Variants in WASHC2A observed in about 807,000 individuals in gnomAD.
WASHC2A encodes WASH complex subunit FAM21A.
Under a neutral mutation model 140.3 loss-of-function variants are expected in WASHC2A, and 82 were observed. The ratio of observed to expected loss-of-function variants is 0.58; its 90% CI spans 0.49 to 0.70. The LOEUF (loss-of-function observed/expected upper bound fraction) is 0.70. Ranked by LOEUF, WASHC2A falls within the 30% of genes least tolerant of loss-of-function variation. The pLI, the probability that WASHC2A is intolerant of heterozygous loss-of-function variation, is 0.00. For synonymous variants in WASHC2A, 340 were observed against 560.8 expected, an observed-to-expected ratio of 0.61 and a Z score of 5.56; for missense variants, 985 against 1,521.8, an observed-to-expected ratio of 0.65 and a Z score of 5.87.
In WASHC2A at chr10:50,084,179, C is replaced by T. The variant is rs1839183851; in HGVS notation, c.622+14C>T. The T allele has an allele frequency of 6.2e-7, 1 of 1,610,918 alleles. No homozygotes were observed. Among genetic ancestry groups the T allele is most frequent in the Non-Finnish European group, 8.5e-7 (1 of 1,179,572 alleles). On this transcript the variant is annotated intron_variant, in intron 6 of 30. Transcript: ENST00000282633. ...TGTCCAGTGAAGGTACTTTTCTTCACCAAATAATTTTGTTCCTTAACATTT... is the reference window on the plus strand; with the variant it reads ...TGTCCAGTGAAGGTACTTTTCTTCATCAAATAATTTTGTTCCTTAACATTT...
Position 50,095,747 on chromosome 10 carries a change from C to A in WASHC2A, c.1389C>A (p.Phe463Leu). 1.2e-6 allele frequency: 2 copies of A among 1,610,928 alleles called. No homozygotes were observed. The highest frequency in any genetic ancestry group is 1.7e-6 in the Non-Finnish European group (2 of 1,179,386). The part of the protein sequence containing the change: ...DDDGDDDDDF[F>L]SAPHSKPSKT... ...ATGGTGATGATGATGACGACTTTTT[C>A]TCGGCACCCCACAGCAAACCTTCTA... The change falls in exon 15 of 31, where the codon TTC becomes TTA. Residue 463 changes from phenylalanine (F) to leucine (L), a missense_variant. Transcript: ENST00000282633.
chr10:50,067,983 G>A lies in WASHC2A; in HGVS notation c.-23G>A, dbSNP rs1157810743. The A allele has an allele frequency of 3.7e-6, 6 of 1,603,218 alleles. No homozygotes were observed. Among genetic ancestry groups the A allele is most frequent in the East Asian group, 2.2e-5 (1 of 44,562 alleles). On this transcript the variant is annotated 5_prime_UTR_variant, in exon 1 of 31. Coordinates refer to ENST00000282633, the MANE Select transcript of WASHC2A (RefSeq NM_001005751.3). ...CTCGGCGTGTGCTGGCAGCTTCGGAGCCCACCGAGCCGGGCGGCTAGGATG... is the reference window on the plus strand; with the variant it reads ...CTCGGCGTGTGCTGGCAGCTTCGGAACCCACCGAGCCGGGCGGCTAGGATG...
At chr10:50,077,226 G>A (rs1245112905) in intron 3 of WASHC2A, among the ~76,000 whole-genome samples, 2 of 151,848 alleles carry the variant, frequency 1.3e-5, no homozygotes, top group African/African-American at 4.8e-5. Flanking sequence ...CCTGGGAGGT[G>A]GAGGTTGCAG....
At chr10:50,125,649 A>G (rs1433404517) in intron 25 of WASHC2A, among the ~76,000 whole-genome samples, 200 bp downstream of exon 25, 2 of 152,204 alleles carry the variant, frequency 1.3e-5, no homozygotes, top group African/African-American at 4.8e-5. Flanking sequence ...TATGTTCCCT[A>G]TACTAACATT....
At chr10:50,074,098 CT>C (rs1838086275) in intron 3 of WASHC2A, among the ~76,000 whole-genome samples, 1 of 79,048 alleles carries the variant, frequency 1.3e-5, no homozygotes, top group Non-Finnish European at 2.6e-5. Flanking sequence ...GCCCTGGTCC[CT>C]TTTTCCCCAG....
At chr10:50,088,794 A>G (rs1839612869) in intron 8 of WASHC2A, among the ~76,000 whole-genome samples, 2 of 122,556 alleles carry the variant, frequency 1.6e-5, no homozygotes, top group East Asian at 4.4e-4. Flanking sequence ...ATGTTTAACT[A>G]TCAAATGAAG....
At position 50,129,471 on chromosome 10, in the gene WASHC2A, G is replaced by A; in HGVS notation, c.3140G>A (p.Arg1047Gln). 2.5e-6 allele frequency: 4 copies of A among 1,612,068 alleles called. No individual in the cohort carries two copies. The highest frequency in any genetic ancestry group is 3.4e-6 in the Non-Finnish European group (4 of 1,179,870). The stretch of plus-strand genomic sequence containing the variant: ...AGACCGCAGACCCGTGCAGCTAGGC[G>A]GCTGGCTGCTCAGGAGTCCAGCGAG... Reference protein sequence around the residue: ...KRRPQTRAARRLAAQESSETE... With the variant: ...KRRPQTRAARQLAAQESSETE... Residue 1047 changes from arginine to glutamine, a missense_variant, in exon 29 of 31, where the codon CGG (arginine) becomes CAG (glutamine). Physicochemically the swap from Arg to Gln is conservative, Grantham distance 43. Transcript: ENST00000282633.
At chr10:50,109,816 C>A (rs1312537897) in intron 19 of WASHC2A, among the ~76,000 whole-genome samples, 1 of 152,174 alleles carries the variant, frequency 6.6e-6, no homozygotes, top group East Asian at 1.9e-4. Context: ...GTCCCCCAGG[C>A]TGGAGTGCAG....
intron 4 of WASHC2A, among the ~76,000 whole-genome samples, chr10:50,080,417 T>C (rs1172603350): frequency 2.1e-5 from 3 of 143,122 alleles, no homozygotes; most frequent in African/African-American, 8.0e-5. Context: ...TCATGGTGAG[T>C]CTGAGAGTCT....
chr10:50,127,471 C>G, intron 27 of WASHC2A, 112 bp from the exon 28 acceptor site: 7 of 1,610,352 alleles, frequency 4.3e-6, no homozygotes, highest in African/African-American at 4.0e-5. Context: ...CTACGTTTCT[C>G]TACTCCTCTC....
intron 19 of WASHC2A, among the ~76,000 whole-genome samples, chr10:50,108,935 G>A (rs1300677084): frequency 1.3e-5 from 2 of 150,122 alleles, no homozygotes; most frequent in East Asian, 3.9e-4. Context: ...AGTGCTGACA[G>A]TGGATCCCAG....
rs1840426539 is a variant in WASHC2A at position 50,095,656 on chromosome 10, C to G, written c.1298C>G (p.Pro433Arg). ...CCATCAATGAAGGAGCCACAGAAGC[C>G]TGAGCAGCCCACTCCAAGGAAAAGC... Reference protein sequence around the residue: ...SVPSMKEPQKPEQPTPRKSPY... With the variant: ...SVPSMKEPQKREQPTPRKSPY... The change falls in exon 15 of 31, where the codon CCT becomes CGT. Residue 433 changes from proline (P) to arginine (R), a missense_variant. Coordinates refer to ENST00000282633, the MANE Select transcript of WASHC2A (RefSeq NM_001005751.3). 1 of 1,611,628 alleles carries G rather than the reference C, an allele frequency of 6.2e-7. No homozygotes were observed. Among genetic ancestry groups the G allele is most frequent in the Non-Finnish European group, 8.5e-7 (1 of 1,179,818 alleles).
At chr10:50,094,773 T>A (rs1410132168) in intron 13 of WASHC2A, among the ~76,000 whole-genome samples, 4 of 151,302 alleles carry the variant, frequency 2.6e-5, no homozygotes, top group Non-Finnish European at 5.9e-5. Flanking sequence ...CGGTTCTTTT[T>A]CACCCGTTCA....
At chr10:50,092,882 C>T (rs1482625508) in intron 11 of WASHC2A, among the ~76,000 whole-genome samples, 5 of 152,008 alleles carry the variant, frequency 3.3e-5, no homozygotes, top group African/African-American at 1.2e-4. Context: ...TTACATTAGA[C>T]TTGTCCCTGT....
At chr10:50,100,088 G>T (rs1208975875) in intron 17 of WASHC2A, 24 bp downstream of exon 17, 2 of 1,536,760 alleles carry the variant, frequency 1.3e-6, no homozygotes, top group Non-Finnish European at 1.8e-6. Context: ...TTGCTTAGTT[G>T]TGGGTATTAG....
At chr10:50,098,623 A>AT (rs1290716290) in intron 16 of WASHC2A, among the ~76,000 whole-genome samples, 8 of 84,904 alleles carry the variant, frequency 9.4e-5, no homozygotes, top group African/African-American at 1.4e-4. Flanking sequence ...TTATGTTTTG[A>AT]TTTTTTTTTT....
chr10:50,072,564 GC>G lies in WASHC2A; in HGVS notation c.291+2854del, dbSNP rs372470572. ...TGCAGTGGTGCAATCTCAGCCCACT[GC>G]AAGCTCTACCTCCCGGGTTCACGCC... On this transcript the variant is annotated intron_variant, in intron 3 of 30. Coordinates refer to ENST00000282633, the MANE Select transcript of WASHC2A (RefSeq NM_001005751.3). Among the ~76,000 whole-genome samples the G allele has an allele frequency of 8.5e-5, 11 of 129,200 alleles. 1 individual carries two copies. The highest frequency in any genetic ancestry group is 2.9e-4 in the African/African-American group (10 of 35,050). 84.8% of individuals were successfully genotyped at this position (129,200 alleles called of 152,430 possible). A position where few individuals can be genotyped will look rare whatever the true frequency, so the allele number is the denominator to read the frequency against.
At chr10:50,092,444 T>G (rs1554883146) in intron 11 of WASHC2A, among the ~76,000 whole-genome samples, 2 of 151,978 alleles carry the variant, frequency 1.3e-5, no homozygotes, top group African/African-American at 4.8e-5. Flanking sequence ...GATCATGAGG[T>G]CAGGAGTTTA....
chr10:50,103,176 C>G (rs1171971703), intron 17 of WASHC2A, among the ~76,000 whole-genome samples: 2 of 151,870 alleles, frequency 1.3e-5, no homozygotes, highest in Non-Finnish European at 2.9e-5. Flanking sequence ...TCTATCAGGT[C>G]TTATCCTGGT....
Sources: allele counts gnomAD v4.1 joint callset (sites outside exome capture counted in the v4.1 genomes callset), GRCh38; gene constraint gnomAD v4.1.1; transcripts MANE v1.5; gene names NCBI Gene and HGNC (gene_info 2026-07-23, HGNC 2026-07-21).